Variants in LSAMP observed in about 807,000 individuals in gnomAD.
The protein encoded by LSAMP is limbic system-associated membrane protein.
LSAMP carries 7 observed loss-of-function variants against 38.6 expected under a neutral mutation model. The ratio of observed to expected loss-of-function variants is 0.18; its 90% CI spans 0.10 to 0.34. LSAMP has a LOEUF of 0.34. Among genes scored for constraint, LSAMP ranks in the 10% least tolerant of loss-of-function variants. The pLI is 1.00. For synonymous variants in LSAMP, 154 were observed against 166.8 expected, an observed-to-expected ratio of 0.92 and a Z score of 0.59; for missense variants, 313 against 420.0, an observed-to-expected ratio of 0.75 and a Z score of 2.23.
chr3:116,166,998 A>G (rs1045299100), intron 1 of LSAMP, among the ~76,000 whole-genome samples: 22 of 152,076 alleles, frequency 1.4e-4, no homozygotes, highest in Admixed American at 5.2e-4. Context: ...TCACCGTGTT[A>G]GCCAGGATGG....
intron 1 of LSAMP, among the ~76,000 whole-genome samples, chr3:116,298,604 T>C (rs959463553): frequency 1.3e-4 from 20 of 152,204 alleles, no homozygotes; most frequent in Admixed American, 1.2e-3. Flanking sequence ...ATCTGTGACA[T>C]AGGGAGAAAA....
chr3:116,376,230 T>TGGCCTCAGTGCTTCA (rs2048491102), intron 1 of LSAMP, among the ~76,000 whole-genome samples: 1 of 152,096 alleles, frequency 6.6e-6, no homozygotes, highest in Non-Finnish European at 1.5e-5. Flanking sequence ...AAACAGCTAC[T>TGGCCTCAGTGCTTCA]GGGTCCATTA....
At chr3:116,399,288 A>G (rs1251979468) in intron 1 of LSAMP, among the ~76,000 whole-genome samples, 1 of 152,242 alleles carries the variant, frequency 6.6e-6, no homozygotes, top group East Asian at 1.9e-4. Context: ...TTAGAAAGCC[A>G]TAACTACAAA....
intron 1 of LSAMP, among the ~76,000 whole-genome samples, chr3:116,173,799 A>G (rs35140849): frequency 0.52 from 75,051 of 145,572 alleles, 21,257 homozygotes; most frequent in East Asian, 0.75. Context: ...TTTTTTTTTA[A>G]CAATTGGGAA....
chr3:116,069,171 G>A (rs933085382), intron 2 of LSAMP, among the ~76,000 whole-genome samples: 1 of 152,150 alleles, frequency 6.6e-6, no homozygotes, highest in African/African-American at 2.4e-5. Context: ...AAGGTTCTGG[G>A]TACCTCATCA....
At chr3:115,876,533 T>C (rs1936184622) in intron 3 of LSAMP, among the ~76,000 whole-genome samples, 1 of 152,024 alleles carries the variant, frequency 6.6e-6, no homozygotes, top group African/African-American at 2.4e-5. Flanking sequence ...ACTCTTTTAC[T>C]CCACTGATTT....
At chr3:116,206,292 C>G (rs1356907209) in intron 1 of LSAMP, among the ~76,000 whole-genome samples, 1 of 149,088 alleles carries the variant, frequency 6.7e-6, no homozygotes, top group African/African-American at 2.5e-5. Context: ...ATTCTTCTCT[C>G]TTTTTTTCTT....
At chr3:116,092,077 CTAAATACCATGTGCA>C (rs1352609672) in intron 1 of LSAMP, among the ~76,000 whole-genome samples, 88 of 152,190 alleles carry the variant, frequency 5.8e-4, no homozygotes, top group African/African-American at 1.8e-3. Context: ...CTCACTGAGC[CTAAATACCATGTGCA>C]TAAATACCAT....
At chr3:115,840,998 G>T (rs1934980172) in intron 6 of LSAMP, among the ~76,000 whole-genome samples, 1 of 152,072 alleles carries the variant, frequency 6.6e-6, no homozygotes, top group Non-Finnish European at 1.5e-5. Context: ...TCATTTTCCT[G>T]TGACTCCATT....
chr3:116,401,139 T>A (rs1345664925), intron 1 of LSAMP, among the ~76,000 whole-genome samples: 3 of 152,236 alleles, frequency 2.0e-5, no homozygotes, highest in Non-Finnish European at 4.4e-5. Context: ...GCTCACCTAA[T>A]ATCCCTCTGT....
chr3:116,428,988 C>A (rs1055430176), intron 1 of LSAMP, among the ~76,000 whole-genome samples: 1 of 152,166 alleles, frequency 6.6e-6, no homozygotes, highest in Admixed American at 6.5e-5. Context: ...ACTCTGTCTA[C>A]CTTTTCACTC....
chr3:116,240,276 G>T (rs892598322), intron 1 of LSAMP, among the ~76,000 whole-genome samples: 3 of 152,142 alleles, frequency 2.0e-5, no homozygotes, highest in African/African-American at 7.2e-5. Context: ...GTCTTTTGGA[G>T]CTTTTGTAAG....
At chr3:116,167,000 C>A (rs572541865) in intron 1 of LSAMP, among the ~76,000 whole-genome samples, 3 of 151,960 alleles carry the variant, frequency 2.0e-5, no homozygotes, top group Admixed American at 6.5e-5. Context: ...ACCGTGTTAG[C>A]CAGGATGGTC....
chr3:116,424,486 A>C (rs533331667), intron 1 of LSAMP, among the ~76,000 whole-genome samples: 1 of 152,344 alleles, frequency 6.6e-6, no homozygotes, highest in African/African-American at 2.4e-5. Flanking sequence ...AGCTCTTACT[A>C]ATGAAGGCTG....
At chr3:116,011,066 T>C (rs1033999610) in intron 3 of LSAMP, among the ~76,000 whole-genome samples, 2 of 151,818 alleles carry the variant, frequency 1.3e-5, no homozygotes, top group Admixed American at 6.6e-5. Flanking sequence ...TGCAGTGGCA[T>C]GATCTCGGCT....
chr3:116,127,464 A>G (rs1226389569), intron 1 of LSAMP, among the ~76,000 whole-genome samples: 1 of 152,202 alleles, frequency 6.6e-6, no homozygotes, highest in Non-Finnish European at 1.5e-5. Context: ...CAGGTGACAG[A>G]AAGGACAGAA....
chr3:116,182,754 TGAATTTTAG>T (rs1202771524), intron 1 of LSAMP, among the ~76,000 whole-genome samples: 2 of 152,012 alleles, frequency 1.3e-5, no homozygotes, highest in East Asian at 3.9e-4. Context: ...CTACAGAATC[TGAATTTTAG>T]GAGAGAGTTG....
chr3:115,937,672 T>C (rs537346717), intron 3 of LSAMP, among the ~76,000 whole-genome samples: 318 of 152,120 alleles, frequency 2.1e-3, no homozygotes, highest in African/African-American at 7.5e-3. Flanking sequence ...AGAAATGTTT[T>C]GCATTATGTA....
intron 1 of LSAMP, among the ~76,000 whole-genome samples, chr3:116,439,714 C>T (rs141083904): frequency 6.6e-6 from 1 of 152,242 alleles, no homozygotes; most frequent in East Asian, 1.9e-4. Context: ...TAGATAGTTT[C>T]AGCATTTTTA....
Sources: allele counts gnomAD v4.1 joint callset (sites outside exome capture counted in the v4.1 genomes callset), GRCh38; gene constraint gnomAD v4.1.1; transcripts MANE v1.5; gene names NCBI Gene and HGNC (gene_info 2026-07-23, HGNC 2026-07-21).